Variants in GGPS1 observed in about 807,000 individuals in gnomAD.
GGPS1 encodes geranylgeranyl diphosphate synthase 1.
Under a neutral mutation model 28.1 loss-of-function variants are expected in GGPS1, and 15 were observed. The ratio of observed to expected loss-of-function variants is 0.53; its 90% CI spans 0.36 to 0.82. The LOEUF is 0.82. GGPS1 is among the 40% of genes least tolerant of loss of function. The probability of loss-of-function intolerance (pLI) is 0.01; values close to 1 mark genes in which losing one functional copy is unlikely to be tolerated. For missense variants in GGPS1, 284 were observed against 348.3 expected, an observed-to-expected ratio of 0.82 and a Z score of 1.47; for synonymous variants, 138 against 122.4, an observed-to-expected ratio of 1.13 and a Z score of -0.84.
intron 1 of GGPS1, among the ~76,000 whole-genome samples, chr1:235,332,000 C>CT (rs1491398132): frequency 2.6e-5 from 4 of 152,170 alleles, no homozygotes; most frequent in African/African-American, 9.7e-5. Context: ...CACTTCTACA[C>CT]TCGTAATTGT....
chr1:235,334,762 T>C (rs1022759876), intron 1 of GGPS1, among the ~76,000 whole-genome samples: 1 of 152,140 alleles, frequency 6.6e-6, no homozygotes, highest in Non-Finnish European at 1.5e-5. Context: ...TTTTTGAGAC[T>C]GGAGTCACTC....
Position 235,342,054 on chromosome 1 carries a change from T to C in GGPS1, c.185T>C (p.Leu62Pro). The C allele has an allele frequency of 6.2e-7, 1 of 1,603,138 alleles. No homozygotes were observed. ...VTEMLHNASL[L>P]IDDIEDNSKL... Reference sequence around the variant, plus strand: ...GAAATGTTGCATAATGCCAGTTTACTCATCGATGATATTGAAGACAACTCA... The same window carrying C: ...GAAATGTTGCATAATGCCAGTTTACCCATCGATGATATTGAAGACAACTCA... Residue 62 changes from leucine to proline, a missense_variant, in exon 4 of 4, where the codon CTC (leucine) becomes CCC (proline). Physicochemically the swap from Leu to Pro is moderately conservative, Grantham distance 98. Coordinates refer to ENST00000282841, the MANE Select transcript of GGPS1 (RefSeq NM_004837.4).
intron 2 of GGPS1, among the ~76,000 whole-genome samples, chr1:235,337,924 T>C (rs1036508904): frequency 2.0e-5 from 3 of 150,332 alleles, no homozygotes; most frequent in Non-Finnish European, 4.4e-5. Context: ...TGCCTTAGTG[T>C]GGGGCCCTAG....
At chr1:235,340,735 C>CAAAAAAAAA (rs1165162184) in intron 2 of GGPS1, among the ~76,000 whole-genome samples, 3 of 50,992 alleles carry the variant, frequency 5.9e-5, no homozygotes, top group Non-Finnish European at 1.0e-4. Flanking sequence ...GACTCCGTCT[C>CAAAAAAAAA]AAAAAAAAAA....
intron 3 of GGPS1, 47 bp downstream of exon 3, chr1:235,341,825 G>T: frequency 9.0e-7 from 1 of 1,113,624 alleles, no homozygotes; most frequent in Non-Finnish European, 1.3e-6. Flanking sequence ...ATTAATAGCT[G>T]TCGCATAAAA....
At chr1:235,337,685 C>T (rs1466173318) in intron 2 of GGPS1, among the ~76,000 whole-genome samples, 1 of 151,752 alleles carries the variant, frequency 6.6e-6, no homozygotes, top group Non-Finnish European at 1.5e-5. Context: ...AAATATTAGC[C>T]AAGTATGGTA....
rs147202180 is a variant in GGPS1 at position 235,342,306 on chromosome 1, C to A, written c.437C>A (p.Ala146Asp). The change falls in exon 4 of 4, where the codon GCT becomes GAT. Residue 146 changes from alanine to aspartate, a missense_variant. Physicochemically the swap from Ala to Asp is moderately radical, Grantham distance 126. Transcript: ENST00000282841. ...TGTCCCACTGAAGAAGAATATAAAG[C>A]TATGGTGCTGCAGAAAACAGGTGGA... ...YTCPTEEEYKAMVLQKTGGLF... is the reference protein window; with the variant it reads ...YTCPTEEEYKDMVLQKTGGLF... 1.7e-4 allele frequency: 274 copies of A among 1,613,970 alleles called. No individual in the cohort carries two copies. In the African/African-American group the frequency reaches 3.3e-3, roughly 20 times the overall value.
chr1:235,334,360 G>A (rs1470814248), intron 1 of GGPS1, among the ~76,000 whole-genome samples: 1 of 152,138 alleles, frequency 6.6e-6, no homozygotes, highest in African/African-American at 2.4e-5. Flanking sequence ...AATAGGAAAA[G>A]CTTAATATAA....
intron 1 of GGPS1, chr1:235,329,589 A>G (rs74469033): frequency 0.04 from 6,048 of 152,430 alleles, 424 homozygotes; most frequent in African/African-American, 0.13. Flanking sequence ...AGACAAAAAG[A>G]CTAACTTGTC....
rs77179024 is a variant in GGPS1 at position 235,344,151 on chromosome 1, C to CAAAAAAAAAAAAA, written c.*1386_*1398dup. ...GTCATCTGTGGCCCAAGAGGTAGGA[C>CAAAAAAAAAAAAA]AAAAAAAAAAAAAAAAAAAGCTGAT... On this transcript the variant is annotated 3_prime_UTR_variant, in exon 4 of 4. Transcript: ENST00000282841. 1.3e-5 allele frequency: 1 copy of CAAAAAAAAAAAAA among 78,012 alleles called. No homozygotes were observed. The highest frequency in any genetic ancestry group is 1.5e-4 in the Admixed American group (1 of 6,630). The allele number at this position is 78,012 out of a possible 1,614,324, so 4.8% of individuals were successfully genotyped here.
At chr1:235,338,815 G>A (rs1487348924) in intron 2 of GGPS1, among the ~76,000 whole-genome samples, 1 of 151,922 alleles carries the variant, frequency 6.6e-6, no homozygotes, top group African/African-American at 2.4e-5. Flanking sequence ...GCAGTAGGCC[G>A]TGATTGTGCC....
At chr1:235,339,342 C>T (rs548160456) in intron 2 of GGPS1, among the ~76,000 whole-genome samples, 9 of 151,828 alleles carry the variant, frequency 5.9e-5, no homozygotes, top group African/African-American at 2.2e-4. Flanking sequence ...GTGACGCACA[C>T]CTGTAATCCC....
chr1:235,331,960 C>T (rs992083197), intron 1 of GGPS1, among the ~76,000 whole-genome samples: 3 of 152,132 alleles, frequency 2.0e-5, no homozygotes, highest in Non-Finnish European at 4.4e-5. Context: ...ACATTAAATA[C>T]CTGATTGTCA....
intron 1 of GGPS1, among the ~76,000 whole-genome samples, chr1:235,330,940 A>G (rs970663743): frequency 3.3e-5 from 5 of 152,234 alleles, no homozygotes; most frequent in Admixed American, 3.3e-4. Context: ...TTCTACTTTT[A>G]ATGATGTTCG....
chr1:235,339,141 T>C (rs1675953263), intron 2 of GGPS1, among the ~76,000 whole-genome samples: 1 of 151,538 alleles, frequency 6.6e-6, no homozygotes, highest in Non-Finnish European at 1.5e-5. Context: ...CTACTAAAAA[T>C]ACAAAAAATT....
rs1198774481 is a variant in GGPS1 at position 235,342,390 on chromosome 1, A to T, written c.521A>T (p.Lys174Ile). The change falls in exon 4 of 4, where the codon AAA becomes ATA. Residue 174 changes from lysine to isoleucine, a missense_variant. Physicochemically the swap from Lys to Ile is moderately radical, Grantham distance 102. Coordinates refer to ENST00000282841, the MANE Select transcript of GGPS1 (RefSeq NM_004837.4). ...TTCTCTGATTACAAAGAAGATTTAAAACCGCTACTTAATACACTTGGGCTC... is the reference window on the plus strand; with the variant it reads ...TTCTCTGATTACAAAGAAGATTTAATACCGCTACTTAATACACTTGGGCTC... ...QLFSDYKEDL[K>I]PLLNTLGLFF... 6.2e-7 allele frequency: 1 copy of T among 1,614,016 alleles called. No homozygotes were observed. The highest frequency in any genetic ancestry group is 2.2e-5 in the East Asian group (1 of 44,898).
In GGPS1 at chr1:235,342,334, G is replaced by C; in HGVS notation, c.465G>C (p.Leu155=). The C allele has an allele frequency of 6.2e-7, 1 of 1,613,942 alleles. No homozygotes were observed. Among genetic ancestry groups the C allele is most frequent in the South Asian group, 1.1e-5 (1 of 91,082 alleles). The change falls in exon 4 of 4, where the codon CTG becomes CTC. Residue 155 remains leucine (L), a synonymous_variant. Coordinates refer to ENST00000282841, the MANE Select transcript of GGPS1 (RefSeq NM_004837.4). ...TGGTGCTGCAGAAAACAGGTGGACT[G>C]TTTGGATTAGCAGTAGGTCTCATGC... ...KAMVLQKTGG[L]FGLAVGLMQL...
intron 2 of GGPS1, among the ~76,000 whole-genome samples, chr1:235,339,545 A>G (rs1012022387): frequency 6.6e-6 from 1 of 152,084 alleles, no homozygotes; most frequent in African/African-American, 2.4e-5. Context: ...GAATTACCTG[A>G]GGTCAGGAGT....
At position 235,335,421 on chromosome 1, in the gene GGPS1, C is replaced by G. The variant is rs1202035878; in HGVS notation, c.70+87C>G. On this transcript the variant is annotated intron_variant, in intron 2 of 3. Coordinates refer to ENST00000282841, the MANE Select transcript of GGPS1 (RefSeq NM_004837.4). ...TAGCAAATAGAAAAGGTTAGACTTG[C>G]TAGCCGTTGAGATTTTCTATTTAAG... The G allele has an allele frequency of 3.0e-5, 19 of 631,470 alleles. No homozygotes were observed. The Admixed American group carries it at 5.3e-4, about 17-fold the overall frequency. The allele number at this position is 631,470 out of a possible 1,614,324, so 39.1% of individuals were successfully genotyped here.
Sources: allele counts gnomAD v4.1 joint callset (sites outside exome capture counted in the v4.1 genomes callset), GRCh38; gene constraint gnomAD v4.1.1; transcripts MANE v1.5; gene names NCBI Gene and HGNC (gene_info 2026-07-23, HGNC 2026-07-21).